Variants in CBR4 observed in about 807,000 individuals in gnomAD.
CBR4 encodes 3-oxoacyl-[acyl-carrier-protein] reductase.
A neutral mutation model predicts 21.0 loss-of-function variants in CBR4; 22 were observed. That is an observed-to-expected ratio of 1.05 (90% confidence interval 0.75 to 1.50). CBR4 has a LOEUF of 1.50. CBR4 is among the 40% of genes most tolerant of loss of function. The probability of loss-of-function intolerance (pLI) is 0.00; values close to 1 mark genes in which losing one functional copy is unlikely to be tolerated. For synonymous variants in CBR4, 100 were observed against 104.4 expected, an observed-to-expected ratio of 0.96 and a Z score of 0.26; for missense variants, 302 against 286.3, an observed-to-expected ratio of 1.05 and a Z score of -0.40.
chr4:168,913,960 C>T, intron 2 of CBR4: 1 of 1,613,142 alleles, frequency 6.2e-7, no homozygotes, highest in Admixed American at 1.7e-5. Flanking sequence ...GCTAATGGTA[C>T]AGGCTGTCAA....
intron 2 of CBR4, among the ~76,000 whole-genome samples, chr4:168,975,085 C>T (rs1172916355): frequency 1.3e-5 from 2 of 152,180 alleles, no homozygotes; most frequent in Non-Finnish European, 2.9e-5. Flanking sequence ...CAGGTTCTGT[C>T]CCATGGGGTG....
intron 2 of CBR4, among the ~76,000 whole-genome samples, chr4:168,946,550 A>C (rs1464821692): frequency 6.6e-6 from 1 of 152,244 alleles, no homozygotes; most frequent in Non-Finnish European, 1.5e-5. Context: ...TAAGCTGGAC[A>C]TTAAAATGAT....
rs888275563 is a variant in CBR4, at chr4:168,903,974, G to C, written n.170-9209C>G. 11 of 1,402,868 alleles carry C rather than the reference G, an allele frequency of 7.8e-6. No individual in the cohort carries two copies. In the Admixed American group the frequency reaches 8.4e-5, roughly 11 times the overall value. The allele number at this position is 1,402,868 out of a possible 1,614,324, so 86.9% of individuals were successfully genotyped here. On this transcript the variant is annotated intron_variant and non_coding_transcript_variant, in intron 2 of 3. Transcript: ENST00000509108. ...CTTACAGGCATTTGATTAGACAAAG[G>C]AACTATTTAAAAGGTGAAGTTAAGA...
chr4:168,985,959 A>G (rs1217977532), downstream of CBR4, among the ~76,000 whole-genome samples: 2 of 152,140 alleles, frequency 1.3e-5, no homozygotes, highest in Non-Finnish European at 2.9e-5. Flanking sequence ...ATCAGGTATT[A>G]TGCTGATGAC....
At chr4:168,950,625 T>A (rs1326771216) in intron 2 of CBR4, among the ~76,000 whole-genome samples, 1 of 152,208 alleles carries the variant, frequency 6.6e-6, no homozygotes, top group Non-Finnish European at 1.5e-5. Context: ...CAAGGTATAG[T>A]TTAAATCCGT....
intron 2 of CBR4, among the ~76,000 whole-genome samples, chr4:168,932,879 T>C (rs1763007987): frequency 6.6e-6 from 1 of 152,154 alleles, no homozygotes; most frequent in South Asian, 2.1e-4. Flanking sequence ...ATAAAGTCTT[T>C]TTCAGATATG....
In CBR4 at chr4:168,990,278, T is replaced by A; in HGVS notation, c.586A>T (p.Lys196Ter). The A allele has an allele frequency of 6.2e-7, 1 of 1,611,778 alleles. No individual in the cohort carries two copies. The part of the protein sequence containing the change: ...TKDLKEEHLK[K>*]NIPLGRFGET... ...CCAAACCTCCCAAGAGGAATATTTT[T>A]CTTTAAATGTTCTTCTTTCAAGTCT... is the stretch of plus-strand genomic sequence containing the variant. Residue 196 changes from lysine to a stop codon, truncating the protein, a stop_gained, in exon 5 of 5, where the codon AAA becomes TAA. Transcript: ENST00000306193. LOFTEE classifies it high-confidence loss of function.
Position 168,979,993 on chromosome 4 carries a change from G to A in CBR4, n.169+22078C>T, listed in dbSNP as rs112765582. 9.7e-4 allele frequency among the ~76,000 whole-genome samples: 147 copies of A among 152,140 alleles called. 1 individual carries two copies. Among genetic ancestry groups the A allele is most frequent in the African/African-American group, 3.4e-3 (142 of 41,506 alleles). ...AATTCCCCTGCTCTTCACCAGGCAG[G>A]GCCCCCCCAGCTTGGGCCCACAACA... On this transcript the variant is annotated intron_variant and non_coding_transcript_variant, in intron 2 of 3. Transcript: ENST00000509108.
chr4:168,981,588 A>T (rs1436178032), intron 2 of CBR4, among the ~76,000 whole-genome samples: 1 of 152,186 alleles, frequency 6.6e-6, no homozygotes, highest in East Asian at 1.9e-4. Flanking sequence ...GAATTTTTTT[A>T]AATGAACAAA....
chr4:168,897,054 C>T (rs531467692), intron 2 of CBR4, among the ~76,000 whole-genome samples: 1 of 152,182 alleles, frequency 6.6e-6, no homozygotes, highest in Non-Finnish European at 1.5e-5. Flanking sequence ...TGGTCTCGAA[C>T]TTCTGACCTC....
intron 1 of CBR4, chr4:169,009,058 T>C (rs1560996704): frequency 3.7e-6 from 1 of 267,366 alleles, no homozygotes; most frequent in South Asian, 2.2e-5. Flanking sequence ...GGAAGCCCTC[T>C]CAAAAAAAAA....
chr4:168,961,528 A>C (rs142329790), intron 2 of CBR4, among the ~76,000 whole-genome samples: 177 of 152,252 alleles, frequency 1.2e-3, no homozygotes, highest in African/African-American at 3.8e-3. Flanking sequence ...GAAAGTCCAC[A>C]GTTTCCAGTT....
Position 168,989,974 on chromosome 4 carries a change from A to C in CBR4, c.*176T>G, listed in dbSNP as rs926244161. On this transcript the variant is annotated 3_prime_UTR_variant, in exon 5 of 5. Coordinates refer to ENST00000306193, the MANE Select transcript of CBR4 (RefSeq NM_032783.5). Reference sequence around the variant, plus strand: ...TGTAACTTAGACCAAAAAAAAAAAAACCACAATTTGTCACACATTGTTCTT... The same window carrying C: ...TGTAACTTAGACCAAAAAAAAAAAACCCACAATTTGTCACACATTGTTCTT... The C allele has an allele frequency of 8.0e-6, 10 of 1,251,992 alleles. No homozygotes were observed. Among genetic ancestry groups the C allele is most frequent in the Admixed American group, 8.2e-5 (2 of 24,514 alleles). The allele number at this position is 1,251,992 out of a possible 1,614,324, so 77.6% of individuals were successfully genotyped here. A position where few individuals can be genotyped will look rare whatever the true frequency, so the allele number is the denominator to read the frequency against.
Position 169,007,713 on chromosome 4 carries a change from A to G in CBR4, c.186T>C (p.Asp62=). The change falls in exon 2 of 5, where the codon GAT becomes GAC. Residue 62 remains aspartate, a synonymous_variant. Coordinates refer to ENST00000306193, the MANE Select transcript of CBR4 (RefSeq NM_032783.5). ...CCAGCTCTTCAAATGTATTTTGAAC[A>G]TCATGTTCTTTAGCAACATCACAGC... ...AFSCDVAKEH[D]VQNTFEELEK... The G allele has an allele frequency of 6.3e-7, 1 of 1,593,636 alleles. No individual in the cohort carries two copies. Among genetic ancestry groups the G allele is most frequent in the South Asian group, 1.1e-5 (1 of 87,110 alleles).
chr4:168,990,433 AT>A (rs1764859533), intron 4 of CBR4, 105 bp from the exon 5 acceptor site: 8 of 1,181,140 alleles, frequency 6.8e-6, no homozygotes, highest in Non-Finnish European at 6.7e-6. Flanking sequence ...ATTTGAAATT[AT>A]TTAAAAAAAA....
At chr4:168,896,658 T>C in intron 2 of CBR4, 2 of 931,484 alleles carry the variant, frequency 2.1e-6, no homozygotes, top group Non-Finnish European at 3.3e-6. Flanking sequence ...TTTCTTCTGT[T>C]CTTCCTGTTT....
chr4:168,991,472 C>A (rs1186076808), intron 4 of CBR4, among the ~76,000 whole-genome samples: 1 of 152,204 alleles, frequency 6.6e-6, no homozygotes, highest in Non-Finnish European at 1.5e-5. Flanking sequence ...TTTCCCATAT[C>A]TGGATTTTAA....
intron 2 of CBR4, among the ~76,000 whole-genome samples, chr4:168,932,326 G>C (rs2126657016): frequency 6.6e-6 from 1 of 151,284 alleles, no homozygotes; most frequent in South Asian, 2.1e-4. Flanking sequence ...TTCAACAACA[G>C]ATTAGACAAA....
intron 2 of CBR4, among the ~76,000 whole-genome samples, chr4:168,970,848 A>G (rs1002073765): frequency 1.3e-5 from 2 of 151,964 alleles, no homozygotes; most frequent in African/African-American, 2.4e-5. Flanking sequence ...ATATATATAT[A>G]TACCACATTT....
Sources: gnomAD v4.1 joint callset for allele counts (sites outside exome capture counted in the v4.1 genomes callset) on GRCh38, gnomAD v4.1.1 for gene constraint, MANE v1.5 for transcripts, NCBI Gene and HGNC (gene_info 2026-07-23, HGNC 2026-07-21) for gene names.